Variants in EPHB1 observed in about 807,000 individuals in gnomAD.
The protein encoded by EPHB1 is ephrin type-B receptor 1.
EPHB1 carries 30 observed loss-of-function variants against 94.4 expected under a neutral mutation model. That is an observed-to-expected ratio of 0.32 (90% CI 0.24 to 0.43). The LOEUF (loss-of-function observed/expected upper bound fraction) is 0.43. Among genes scored for constraint, EPHB1 ranks in the 20% least tolerant of loss-of-function variants. The probability of loss-of-function intolerance (pLI) is 1.00; values close to 1 mark genes in which losing one functional copy is unlikely to be tolerated. For missense variants in EPHB1, 1,055 were observed against 1,308.3 expected (o/e 0.81, Z 2.99); for synonymous variants, 522 against 489.1 (o/e 1.07, Z -0.89).
intron 3 of EPHB1, among the ~76,000 whole-genome samples, chr3:134,972,913 G>A (rs75363981): frequency 6.6e-6 from 1 of 152,184 alleles, no homozygotes; most frequent in East Asian, 1.9e-4. Context: ...TAGAGTCTGG[G>A]TGGGTGGGCA....
At chr3:134,858,403 G>A (rs1212261463) in intron 1 of EPHB1, among the ~76,000 whole-genome samples, 2 of 152,128 alleles carry the variant, frequency 1.3e-5, no homozygotes, top group African/African-American at 4.8e-5. Context: ...GAGTAAACAG[G>A]GAGAATGTAT....
At chr3:135,123,067 T>C (rs1309750536) in intron 4 of EPHB1, among the ~76,000 whole-genome samples, 1 of 152,154 alleles carries the variant, frequency 6.6e-6, no homozygotes, top group Non-Finnish European at 1.5e-5. Flanking sequence ...CCCCAGAAAA[T>C]GCTTTGCATC....
At position 135,099,004 on chromosome 3, in the gene EPHB1, C is replaced by A. The variant is rs1333900367; in HGVS notation, c.806-7444C>A. Among the ~76,000 whole-genome samples the A allele has an allele frequency of 3.5e-5, 4 of 113,992 alleles. No individual in the cohort carries two copies. In the South Asian group the frequency reaches 8.9e-4, roughly 25 times the overall value. The allele number at this position is 113,992 out of a possible 152,430, so 74.8% of individuals were successfully genotyped here. On this transcript the variant is annotated intron_variant, in intron 3 of 15. Transcript: ENST00000398015. ...CTCCAGTCTGGGCAACAGAGTGAGA[C>A]CCTGCCTCAAAAAAAAAAAAAAAAA...
intron 4 of EPHB1, among the ~76,000 whole-genome samples, chr3:135,119,776 G>A (rs1641786416): frequency 1.3e-5 from 2 of 151,962 alleles, no homozygotes; most frequent in South Asian, 4.2e-4. Context: ...TTAATTCTCT[G>A]TATGGTGTTT....
chr3:135,257,427 C>A (rs1038920226), intron 15 of EPHB1, among the ~76,000 whole-genome samples: 9 of 151,864 alleles, frequency 5.9e-5, no homozygotes, highest in African/African-American at 2.2e-4. Flanking sequence ...GTTAGTTTTC[C>A]TTCTAACAGA....
At chr3:134,969,992 A>G (rs1170589583) in intron 3 of EPHB1, among the ~76,000 whole-genome samples, 1 of 152,206 alleles carries the variant, frequency 6.6e-6, no homozygotes, top group African/African-American at 2.4e-5. Flanking sequence ...AGTTCCTTAT[A>G]TATTTTGGAT....
chr3:135,147,694 T>C (rs972429462), intron 5 of EPHB1, among the ~76,000 whole-genome samples: 8 of 152,216 alleles, frequency 5.3e-5, no homozygotes, highest in African/African-American at 1.9e-4. Context: ...CTCCTCTTTG[T>C]ATGGGTCTCC....
chr3:135,034,342 C>A (rs528038137), intron 3 of EPHB1, among the ~76,000 whole-genome samples: 1 of 152,158 alleles, frequency 6.6e-6, no homozygotes, highest in Admixed American at 6.5e-5. Context: ...ATGCACCTCC[C>A]GTTCAGGGAG....
At chr3:134,946,247 G>C (rs1035235691) in intron 2 of EPHB1, among the ~76,000 whole-genome samples, 2 of 152,196 alleles carry the variant, frequency 1.3e-5, no homozygotes, top group African/African-American at 2.4e-5. Flanking sequence ...GCTTTTAAAA[G>C]CTCGGCTCTG....
chr3:135,153,407 A>C (rs1021634778), intron 5 of EPHB1, among the ~76,000 whole-genome samples: 6 of 152,228 alleles, frequency 3.9e-5, no homozygotes, highest in African/African-American at 1.4e-4. Flanking sequence ...TGAATTGGGA[A>C]ATAAATAATA....
chr3:134,979,805 G>GA (rs1559780964), intron 3 of EPHB1, among the ~76,000 whole-genome samples: 1 of 151,256 alleles, frequency 6.6e-6, no homozygotes, highest in Admixed American at 6.6e-5. Context: ...TTTGTAGAGG[G>GA]AAAAAAATGG....
intron 1 of EPHB1, among the ~76,000 whole-genome samples, chr3:134,869,684 T>G (rs1175596541): frequency 6.6e-6 from 1 of 152,204 alleles, no homozygotes; most frequent in Non-Finnish European, 1.5e-5. Flanking sequence ...TCTACTAGAT[T>G]TTTAATGACA....
At chr3:135,047,501 A>G (rs1937035291) in intron 3 of EPHB1, among the ~76,000 whole-genome samples, 1 of 152,070 alleles carries the variant, frequency 6.6e-6, no homozygotes, top group Non-Finnish European at 1.5e-5. Flanking sequence ...CAGCCAGCAA[A>G]AGCCCATTGA....
At chr3:135,007,477 C>A (rs1425498000) in intron 3 of EPHB1, among the ~76,000 whole-genome samples, 1 of 152,144 alleles carries the variant, frequency 6.6e-6, no homozygotes, top group East Asian at 1.9e-4. Context: ...TGTGCAAACT[C>A]CAGTCACTGT....
chr3:135,196,901 T>A (rs1467018374), intron 11 of EPHB1, among the ~76,000 whole-genome samples: 2 of 152,162 alleles, frequency 1.3e-5, no homozygotes, highest in East Asian at 1.9e-4. Flanking sequence ...AATCCATAAT[T>A]AAATTTTTCC....
intron 3 of EPHB1, among the ~76,000 whole-genome samples, chr3:135,023,124 T>G (rs1936038126): frequency 6.6e-6 from 1 of 152,240 alleles, no homozygotes; most frequent in African/African-American, 2.4e-5. Context: ...GAATTCTTGT[T>G]GATTTTTAAA....
At chr3:134,861,140 C>T (rs1343643380) in intron 1 of EPHB1, among the ~76,000 whole-genome samples, 1 of 152,034 alleles carries the variant, frequency 6.6e-6, no homozygotes, top group Non-Finnish European at 1.5e-5. Flanking sequence ...GTGCTAAGGG[C>T]ATGAGTGTGG....
chr3:134,961,482 C>A (rs1309758296), intron 3 of EPHB1, among the ~76,000 whole-genome samples: 1 of 152,160 alleles, frequency 6.6e-6, no homozygotes, highest in Non-Finnish European at 1.5e-5. Context: ...TGCAATTTAC[C>A]TTTTTTTGTT....
intron 10 of EPHB1, among the ~76,000 whole-genome samples, chr3:135,184,141 GT>G (rs1375716970): frequency 6.6e-6 from 1 of 152,120 alleles, no homozygotes; most frequent in Admixed American, 6.5e-5. Flanking sequence ...GGAGTGACTA[GT>G]GAGCTTGGTG....
Sources: allele counts gnomAD v4.1 joint callset (sites outside exome capture counted in the v4.1 genomes callset), GRCh38; gene constraint gnomAD v4.1.1; transcripts MANE v1.5; gene names NCBI Gene and HGNC (gene_info 2026-07-23, HGNC 2026-07-21).